CNTNAP2: variants seen among roughly 807,000 people sequenced by gnomAD.
CNTNAP2 encodes the protein contactin associated protein 2.
A neutral mutation model predicts 155.2 loss-of-function variants in CNTNAP2; 98 were observed. That is an observed-to-expected ratio of 0.63 (90% CI 0.54 to 0.75). The LOEUF (loss-of-function observed/expected upper bound fraction) is 0.75. CNTNAP2 is among the 30% of genes least tolerant of loss of function. The pLI is 0.00. For synonymous variants in CNTNAP2, 651 were observed against 631.2 expected (o/e 1.03, Z -0.47); for missense variants, 1,727 against 1,688.1 (o/e 1.02, Z -0.40).
intron 3 of CNTNAP2, among the ~76,000 whole-genome samples, chr7:147,019,464 A>G (rs1441014140): frequency 6.6e-6 from 1 of 152,074 alleles, no homozygotes; most frequent in Non-Finnish European, 1.5e-5. Flanking sequence ...TCAAACAAAA[A>G]AAGGCCCTGC....
chr7:147,873,804 T>C (rs61287477), intron 13 of CNTNAP2, among the ~76,000 whole-genome samples: 35,510 of 152,042 alleles, frequency 0.23, 4,795 homozygotes, highest in Middle Eastern at 0.38. Context: ...CCTATGAGCC[T>C]GTAAAATCAA....
At chr7:146,228,975 A>T (rs1489905350) in intron 1 of CNTNAP2, among the ~76,000 whole-genome samples, 1 of 152,176 alleles carries the variant, frequency 6.6e-6, no homozygotes, top group African/African-American at 2.4e-5. Context: ...CGAATCACAC[A>T]TGCATCAGTA....
intron 12 of CNTNAP2, among the ~76,000 whole-genome samples, chr7:147,638,098 A>G (rs1049330473): frequency 1.3e-5 from 2 of 152,194 alleles, no homozygotes; most frequent in Non-Finnish European, 2.9e-5. Flanking sequence ...ATTTAAATAT[A>G]TTTGATATGC....
chr7:146,743,989 G>A (rs1031171203), intron 1 of CNTNAP2, among the ~76,000 whole-genome samples: 4 of 152,066 alleles, frequency 2.6e-5, no homozygotes, highest in Non-Finnish European at 4.4e-5. Flanking sequence ...CACTTTGGGA[G>A]GCTGAAGCGG....
In CNTNAP2 at chr7:146,961,478, A is replaced by G. The variant is rs4400298; in HGVS notation, c.403-82429A>G. ...AACTATGAGAGCTGGGGCATTTGTC[A>G]TTGGAACTTTTCCATTTTCTCTCTA... On this transcript the variant is annotated intron_variant, in intron 3 of 23. Transcript: ENST00000361727. Among the ~76,000 whole-genome samples the G allele has an allele frequency of 8.3e-3, 1,257 of 152,266 alleles. 60 individuals carry two copies. Among genetic ancestry groups the G allele is most frequent in the Admixed American group, 0.075 (1,140 of 15,288 alleles).
chr7:147,345,384 G>T (rs1563168417), intron 9 of CNTNAP2, among the ~76,000 whole-genome samples: 1 of 152,106 alleles, frequency 6.6e-6, no homozygotes, highest in Non-Finnish European at 1.5e-5. Flanking sequence ...GATTGAAAAT[G>T]GAATTCTTTA....
intron 1 of CNTNAP2, among the ~76,000 whole-genome samples, chr7:146,159,435 C>A (rs1798181097): frequency 6.6e-6 from 1 of 152,142 alleles, no homozygotes; most frequent in Non-Finnish European, 1.5e-5. Context: ...AATTAAAAGA[C>A]ACAGACTGGC....
intron 3 of CNTNAP2, among the ~76,000 whole-genome samples, chr7:146,999,436 C>A (rs763268020): frequency 1.3e-5 from 2 of 151,874 alleles, no homozygotes; most frequent in African/African-American, 2.4e-5. Flanking sequence ...GGTTGCTACA[C>A]CATCATAGAG....
At chr7:146,149,808 T>C (rs1798010187) in intron 1 of CNTNAP2, among the ~76,000 whole-genome samples, 1 of 138,898 alleles carries the variant, frequency 7.2e-6, no homozygotes, top group African/African-American at 2.7e-5. Flanking sequence ...GAAGAAAATA[T>C]AGAAGAATAT....
chr7:147,668,594 C>T (rs1472985063), intron 13 of CNTNAP2, among the ~76,000 whole-genome samples: 1 of 149,774 alleles, frequency 6.7e-6, no homozygotes, highest in East Asian at 2.0e-4. Flanking sequence ...TAGTTTTTAA[C>T]AAAAAAGTTT....
chr7:146,715,085 CTTTGGGAGACTGAG>C (rs1206479397), intron 1 of CNTNAP2, among the ~76,000 whole-genome samples: 1 of 152,128 alleles, frequency 6.6e-6, no homozygotes, highest in Admixed American at 6.5e-5. Context: ...AATCCCAGCA[CTTTGGGAGACTGAG>C]GCGGGCAGTT....
At chr7:146,908,281 C>G (rs1796189849) in intron 3 of CNTNAP2, among the ~76,000 whole-genome samples, 1 of 150,544 alleles carries the variant, frequency 6.6e-6, no homozygotes, top group African/African-American at 2.4e-5. Flanking sequence ...GAATTGAACT[C>G]AGCTCTGCAC....
intron 1 of CNTNAP2, among the ~76,000 whole-genome samples, chr7:146,348,575 A>C (rs1169425342): frequency 1.3e-5 from 2 of 152,138 alleles, no homozygotes; most frequent in Non-Finnish European, 2.9e-5. Context: ...TTTACTTGAA[A>C]ACTTTTCTCT....
chr7:147,641,291 C>G (rs902820649), intron 13 of CNTNAP2, among the ~76,000 whole-genome samples: 1 of 152,094 alleles, frequency 6.6e-6, no homozygotes, highest in Non-Finnish European at 1.5e-5. Flanking sequence ...ATGTGCAAAG[C>G]CTTGTGCTAG....
At chr7:148,348,638 T>G (rs1626609) in intron 21 of CNTNAP2, among the ~76,000 whole-genome samples, 149,254 of 152,246 alleles carry the variant, frequency 0.98, 73,226 homozygotes, top group East Asian at 1. Flanking sequence ...CCAAAGCGGC[T>G]CAGGCACACG....
At chr7:147,702,773 G>C (rs914459741) in intron 13 of CNTNAP2, among the ~76,000 whole-genome samples, 4 of 152,046 alleles carry the variant, frequency 2.6e-5, no homozygotes, top group African/African-American at 9.7e-5. Flanking sequence ...GCCACAGAGG[G>C]CCCCAAGTTC....
At chr7:146,947,459 T>C (rs1222621134) in intron 3 of CNTNAP2, among the ~76,000 whole-genome samples, 3 of 143,900 alleles carry the variant, frequency 2.1e-5, no homozygotes, top group East Asian at 2.0e-4. Context: ...TATATCTTTC[T>C]ATATATATTG....
At chr7:146,226,078 T>C (rs1799287970) in intron 1 of CNTNAP2, among the ~76,000 whole-genome samples, 1 of 152,196 alleles carries the variant, frequency 6.6e-6, no homozygotes, top group African/African-American at 2.4e-5. Flanking sequence ...CTTAGAACAA[T>C]TCCCAACTTG....
chr7:148,174,371 G>A (rs964307789), intron 18 of CNTNAP2, among the ~76,000 whole-genome samples: 1 of 152,048 alleles, frequency 6.6e-6, no homozygotes, highest in African/African-American at 2.4e-5. Context: ...CTCTGCTCTG[G>A]ACCTCACTCT....
Sources: allele counts gnomAD v4.1 joint callset (sites outside exome capture counted in the v4.1 genomes callset), GRCh38; gene constraint gnomAD v4.1.1; transcripts MANE v1.5; gene names NCBI Gene and HGNC (gene_info 2026-07-23, HGNC 2026-07-21).